Variants in MEIS1 observed in about 807,000 individuals in gnomAD.
The protein encoded by MEIS1 is Meis homeobox 1, also known as homeobox protein Meis1.
In MEIS1, 5 loss-of-function variants were observed where a neutral mutation model predicts 50.8. The ratio of observed to expected loss-of-function variants is 0.10; its 90% CI spans 0.05 to 0.21. The LOEUF (loss-of-function observed/expected upper bound fraction) is 0.21, where lower values mean the gene tolerates loss of function less well. Ranked by LOEUF, MEIS1 falls within the 10% of genes least tolerant of loss-of-function variation. MEIS1 has a pLI of 1.00. For missense variants in MEIS1, 318 were observed against 517.3 expected, an observed-to-expected ratio of 0.61 and a Z score of 3.74; for synonymous variants, 176 against 179.3, an observed-to-expected ratio of 0.98 and a Z score of 0.15.
chr2:66,488,551 G>T (rs1323028980), intron 7 of MEIS1, among the ~76,000 whole-genome samples: 1 of 152,012 alleles, frequency 6.6e-6, no homozygotes, highest in Non-Finnish European at 1.5e-5. Flanking sequence ...GGTGGTGGGC[G>T]CCTGTAGTCC....
In MEIS1 at chr2:66,476,869, C is replaced by A. The variant is rs181818179; in HGVS notation, c.742+12649C>A. Among the ~76,000 whole-genome samples, 792 of 151,978 alleles carry A rather than the reference C, an allele frequency of 5.2e-3. 7 individuals carry two copies. Among genetic ancestry groups the A allele is most frequent in the African/African-American group, 0.018 (743 of 41,418 alleles). ...TAAGAGAGCAAGTCTATGATGGAAA[C>A]TTGGGAGAGATGGAGAAGAGGGGCA... On this transcript the variant is annotated intron_variant, in intron 7 of 12. Transcript: ENST00000272369.
intron 6 of MEIS1, among the ~76,000 whole-genome samples, chr2:66,451,312 C>G (rs1672271799): frequency 6.6e-6 from 1 of 152,044 alleles, no homozygotes; most frequent in African/African-American, 2.4e-5. Context: ...ACATTTTATT[C>G]TGAATTTGCA....
chr2:66,561,506 A>G lies in MEIS1; in HGVS notation c.966-5947A>G, dbSNP rs536514355. Among the ~76,000 whole-genome samples, 17 of 152,332 alleles carry G rather than the reference A, an allele frequency of 1.1e-4. No homozygotes were observed. In the South Asian group the frequency reaches 1.5e-3, roughly 13 times the overall value. On this transcript the variant is annotated intron_variant, in intron 9 of 12. Transcript: ENST00000272369. ...GTTTATTTTCTATTGAATAAAGAAT[A>G]GTATATGCAGAAATCTTATATTTAA... is the stretch of plus-strand genomic sequence containing the variant.
intron 9 of MEIS1, among the ~76,000 whole-genome samples, chr2:66,556,446 A>C (rs1488674018): frequency 6.6e-6 from 1 of 151,864 alleles, no homozygotes; most frequent in Non-Finnish European, 1.5e-5. Flanking sequence ...CTCAAAAATA[A>C]ATGTCCTGCC....
chr2:66,501,595 T>C (rs1309248005), intron 7 of MEIS1, among the ~76,000 whole-genome samples: 1 of 151,142 alleles, frequency 6.6e-6, no homozygotes, highest in Admixed American at 6.6e-5. Context: ...CAAAAAGTAA[T>C]ATTGAATTAC....
At chr2:66,556,276 C>T (rs940956781) in intron 9 of MEIS1, among the ~76,000 whole-genome samples, 2 of 152,258 alleles carry the variant, frequency 1.3e-5, no homozygotes, top group East Asian at 1.9e-4. Context: ...TAATCTGTTC[C>T]GACATATTTG....
intron 7 of MEIS1, among the ~76,000 whole-genome samples, chr2:66,486,869 TG>T (rs1673156279): frequency 6.6e-6 from 1 of 152,240 alleles, no homozygotes. Flanking sequence ...CAGTTGTGAA[TG>T]GGAGTTTGCT....
chr2:66,447,023 T>G (rs965561797), intron 6 of MEIS1, among the ~76,000 whole-genome samples: 1 of 152,230 alleles, frequency 6.6e-6, no homozygotes, highest in Non-Finnish European at 1.5e-5. Flanking sequence ...GGGAAATTCT[T>G]GCAAGGGAGA....
chr2:66,503,768 G>A (rs561909003), intron 7 of MEIS1, among the ~76,000 whole-genome samples: 87 of 140,966 alleles, frequency 6.2e-4, no homozygotes, highest in African/African-American at 2.2e-3. Context: ...TTTTTGAGAC[G>A]GGGTCTAGCT....
At chr2:66,529,518 C>T (rs886459010) in intron 8 of MEIS1, among the ~76,000 whole-genome samples, 1 of 152,140 alleles carries the variant, frequency 6.6e-6, no homozygotes, top group African/African-American at 2.4e-5. Context: ...CTCACTGCAG[C>T]CTCCACCTCC....
intron 7 of MEIS1, among the ~76,000 whole-genome samples, chr2:66,501,809 G>A (rs1305842673): frequency 6.6e-6 from 1 of 151,980 alleles, no homozygotes; most frequent in Non-Finnish European, 1.5e-5. Context: ...TAATTTTTAT[G>A]AATGTAGAAA....
chr2:66,495,080 C>CTTTT lies in MEIS1; in HGVS notation c.743-17044_743-17041dup, dbSNP rs70943701. On this transcript the variant is annotated intron_variant, in intron 7 of 12. Coordinates refer to ENST00000272369, the MANE Select transcript of MEIS1 (RefSeq NM_002398.3). ...GAATGCCCACTTTCCCTCTTCTGAC[C>CTTTT]TTTTTTTTTTTTTTTTTTTTTTTTT... Among the ~76,000 whole-genome samples the CTTTT allele has an allele frequency of 2.8e-4, 26 of 91,490 alleles. 8 individuals carry two copies. Among genetic ancestry groups the CTTTT allele is most frequent in the African/African-American group, 3.4e-4 (8 of 23,532 alleles). The allele number at this position is 91,490 out of a possible 152,430, so 60.0% of individuals were successfully genotyped here. A position where few individuals can be genotyped will look rare whatever the true frequency, so the allele number is the denominator to read the frequency against.
At chr2:66,544,992 TG>T (rs1674754625) in intron 8 of MEIS1, among the ~76,000 whole-genome samples, 1 of 152,178 alleles carries the variant, frequency 6.6e-6, no homozygotes, top group South Asian at 2.1e-4. Context: ...CCATTTGCTT[TG>T]TAAGAATGTT....
chr2:66,443,485 A>G (rs1212298042), intron 6 of MEIS1: 1 of 171,386 alleles, frequency 5.8e-6, no homozygotes, highest in Non-Finnish European at 1.2e-5. Context: ...GGTCTAAGAA[A>G]GACAGCGAGA....
chr2:66,532,862 C>T (rs1185686476), intron 8 of MEIS1, among the ~76,000 whole-genome samples: 1 of 152,020 alleles, frequency 6.6e-6, no homozygotes, highest in Admixed American at 6.6e-5. Flanking sequence ...TCTCTTTAGT[C>T]TGCATATATA....
chr2:66,494,021 T>C, intron 7 of MEIS1, among the ~76,000 whole-genome samples: 1 of 152,202 alleles, frequency 6.6e-6, no homozygotes, highest in Non-Finnish European at 1.5e-5. Flanking sequence ...AAAAAAGTCT[T>C]ATCTTCAGCA....
At chr2:66,560,159 A>G (rs751055591) in intron 9 of MEIS1, among the ~76,000 whole-genome samples, 1 of 148,022 alleles carries the variant, frequency 6.8e-6, no homozygotes, top group Non-Finnish European at 1.5e-5. Flanking sequence ...TTTCAAGGAA[A>G]ATTTTCTGTA....
chr2:66,441,508 C>A (rs185401989), intron 5 of MEIS1, 44 bp downstream of exon 5: 10 of 1,466,252 alleles, frequency 6.8e-6, no homozygotes, highest in Middle Eastern at 1.8e-4. Context: ...CCCTTACCCC[C>A]AAACACACAG....
intron 7 of MEIS1, among the ~76,000 whole-genome samples, chr2:66,465,631 C>T (rs1002866809): frequency 6.6e-6 from 1 of 152,190 alleles, no homozygotes; most frequent in Admixed American, 6.5e-5. Context: ...CATGGGGTCG[C>T]AGCCTAGTGT....
Sources: gnomAD v4.1 joint callset for allele counts (sites outside exome capture counted in the v4.1 genomes callset) on GRCh38, gnomAD v4.1.1 for gene constraint, MANE v1.5 for transcripts, NCBI Gene and HGNC (gene_info 2026-07-23, HGNC 2026-07-21) for gene names.